Variants in TENM2 observed in about 807,000 individuals in gnomAD.
TENM2 encodes teneurin-2.
A neutral mutation model predicts 245.2 loss-of-function variants in TENM2; 52 were observed. That is an observed-to-expected ratio of 0.21 (90% CI 0.17 to 0.27). The LOEUF (loss-of-function observed/expected upper bound fraction) is 0.27, where lower values mean the gene tolerates loss of function less well. Among genes scored for constraint, TENM2 ranks in the 10% least tolerant of loss-of-function variants. The pLI is 1.00. For synonymous variants in TENM2, 1,363 were observed against 1,438.9 expected (o/e 0.95, Z 1.19); for missense variants, 3,046 against 3,666.8 (o/e 0.83, Z 4.37).
rs961967593 is a variant in TENM2, at chr5:167,697,295, C to T, written c.503-178691C>T. On this transcript the variant is annotated intron_variant, in intron 2 of 28. Coordinates refer to ENST00000518659, the Ensembl canonical transcript of TENM2. Reference sequence around the variant, plus strand: ...TCCATAGAAGGCCCTCCTTGGCTCCCACTTTTAGAAATAGTTCCTCCGATT... The same window carrying T: ...TCCATAGAAGGCCCTCCTTGGCTCCTACTTTTAGAAATAGTTCCTCCGATT... 3.9e-5 allele frequency among the ~76,000 whole-genome samples: 6 copies of T among 152,298 alleles called. No homozygotes were observed. In the South Asian group the frequency reaches 1.2e-3, roughly 32 times the overall value.
At position 168,054,350 on chromosome 5, in the gene TENM2, G is replaced by A. The variant is rs1327042350; in HGVS notation, c.1309+6801G>A. Among the ~76,000 whole-genome samples the A allele has an allele frequency of 3.9e-5, 6 of 152,292 alleles. No individual in the cohort carries two copies. The East Asian group carries it at 1.2e-3, about 29-fold the overall frequency. On this transcript the variant is annotated intron_variant, in intron 6 of 28. Transcript: ENST00000518659. The stretch of plus-strand genomic sequence containing the variant: ...TGTATTCTTGGGCAGTCAATCTAAG[G>A]TCCTTGGAAGAATCTTTTCACTTAT...
At chr5:168,199,628 C>G (rs1293990552) in intron 16 of TENM2, among the ~76,000 whole-genome samples, 1 of 152,148 alleles carries the variant, frequency 6.6e-6, no homozygotes, top group East Asian at 1.9e-4. Context: ...AGAAACACAA[C>G]AGTGACCAAG....
chr5:168,226,122 C>T (rs774824482), exon 24 of TENM2: 17 of 1,613,608 alleles, frequency 1.1e-5, no homozygotes, highest in East Asian at 6.7e-5. Flanking sequence ...CAACGTGACG[C>T]GCCCCACGGG....
chr5:167,286,255 A>T (rs1771342083), intron 1 of TENM2, among the ~76,000 whole-genome samples: 1 of 152,226 alleles, frequency 6.6e-6, no homozygotes, highest in Non-Finnish European at 1.5e-5. Context: ...TAACTCTTGC[A>T]GGATACAATT....
Position 167,323,975 on chromosome 5 carries a change from A to G in TENM2, c.226+38912A>G, listed in dbSNP as rs74656525. Among the ~76,000 whole-genome samples the G allele has an allele frequency of 7.4e-3, 1,133 of 152,338 alleles. 14 individuals carry two copies. Among genetic ancestry groups the G allele is most frequent in the African/African-American group, 0.026 (1,087 of 41,582 alleles). On this transcript the variant is annotated intron_variant, in intron 1 of 28. Coordinates refer to ENST00000518659, the Ensembl canonical transcript of TENM2. ...GACTATTCTGATGTAAGATCAAGCT[A>G]GAGAACCTATGGCATGATGTATTAG...
chr5:168,130,672 C>T (rs1292548897), intron 12 of TENM2, among the ~76,000 whole-genome samples: 10 of 152,104 alleles, frequency 6.6e-5, no homozygotes, highest in Admixed American at 1.3e-4. Context: ...CTGAGGTAGA[C>T]GGACCACTTG....
the TENM2 span, among the ~76,000 whole-genome samples, chr5:166,991,988 G>T: frequency 6.6e-6 from 1 of 151,482 alleles, no homozygotes; most frequent in South Asian, 2.1e-4. Flanking sequence ...GTGTAGCTGT[G>T]TCTTTCTTGG....
At chr5:167,445,336 T>TATATATATATATATAGAGAGAG (rs368881390) in intron 2 of TENM2, among the ~76,000 whole-genome samples, 2 of 77,306 alleles carry the variant, frequency 2.6e-5, no homozygotes, top group African/African-American at 1.1e-4. Context: ...TATATATATA[T>TATATATATATATATAGAGAGAG]AGAGAGAGAG....
chr5:167,102,245 C>A, the TENM2 span, among the ~76,000 whole-genome samples: 9,476 of 151,762 alleles, frequency 0.062, 972 homozygotes, highest in African/African-American at 0.21. Context: ...AAAAATTAAA[C>A]ATTTATACAT....
At chr5:167,056,559 C>A in the TENM2 span, among the ~76,000 whole-genome samples, 2 of 139,064 alleles carry the variant, frequency 1.4e-5, no homozygotes, top group African/African-American at 5.4e-5. Context: ...AAATATATAT[C>A]TATATAAATA....
intron 1 of TENM2, among the ~76,000 whole-genome samples, chr5:167,291,344 A>G (rs1754624610): frequency 6.6e-6 from 1 of 152,234 alleles, no homozygotes; most frequent in African/African-American, 2.4e-5. Context: ...TTGAAAGGGT[A>G]ATGTTTTGGC....
the TENM2 span, among the ~76,000 whole-genome samples, chr5:167,068,504 T>A: frequency 6.6e-6 from 1 of 152,242 alleles, no homozygotes; most frequent in Non-Finnish European, 1.5e-5. Flanking sequence ...CTTATCTTTT[T>A]AATGTATAAC....
chr5:167,376,230 AGT>A (rs1407726624), intron 2 of TENM2, among the ~76,000 whole-genome samples: 2 of 152,324 alleles, frequency 1.3e-5, no homozygotes, highest in East Asian at 3.9e-4. Flanking sequence ...GCAATTCCGA[AGT>A]GTGTTTAGTC....
chr5:167,172,426 G>T, the TENM2 span, among the ~76,000 whole-genome samples: 1 of 152,052 alleles, frequency 6.6e-6, no homozygotes, highest in African/African-American at 2.4e-5. Flanking sequence ...GCTCAATTAA[G>T]GGTCGTTTTG....
chr5:168,076,262 G>A (rs1446856081), intron 7 of TENM2, among the ~76,000 whole-genome samples: 2 of 150,794 alleles, frequency 1.3e-5, no homozygotes, highest in African/African-American at 4.9e-5. Flanking sequence ...GTCTCAATCT[G>A]TCACCCAGGC....
the TENM2 span, among the ~76,000 whole-genome samples, chr5:167,203,659 T>G: frequency 1.3e-5 from 2 of 152,228 alleles, no homozygotes; most frequent in African/African-American, 4.8e-5. Flanking sequence ...TTTCTTTTCA[T>G]GGAGCTCTCT....
the TENM2 span, among the ~76,000 whole-genome samples, chr5:167,088,834 A>C: frequency 6.6e-6 from 1 of 152,196 alleles, no homozygotes; most frequent in African/African-American, 2.4e-5. Context: ...GGTAATTAAT[A>C]TTCACAGTTT....
chr5:167,168,148 A>C, the TENM2 span: 2 of 152,206 alleles, frequency 1.3e-5, no homozygotes, highest in Admixed American at 6.5e-5. Context: ...ATCAACTTCA[A>C]GTTAGTTATA....
At chr5:167,815,350 G>T (rs1766962337) in intron 2 of TENM2, among the ~76,000 whole-genome samples, 1 of 152,222 alleles carries the variant, frequency 6.6e-6, no homozygotes, top group Non-Finnish European at 1.5e-5. Context: ...GCAGCTCCTA[G>T]CTACCAAGTC....
Sources: gnomAD v4.1 joint callset for allele counts (sites outside exome capture counted in the v4.1 genomes callset) on GRCh38, gnomAD v4.1.1 for gene constraint, MANE v1.5 for transcripts, NCBI Gene and HGNC (gene_info 2026-07-23, HGNC 2026-07-21) for gene names.